DMD: variants seen among roughly 807,000 people sequenced by gnomAD.
DMD encodes the protein dystrophin.
Under a neutral mutation model 330.1 loss-of-function variants are expected in DMD, and 63 were observed. The ratio of observed to expected loss-of-function variants is 0.19; its 90% CI spans 0.16 to 0.24. The LOEUF is 0.24. DMD is among the 10% of genes least tolerant of loss of function. The pLI is 1.00. For synonymous variants in DMD, 1,223 were observed against 959.8 expected (o/e 1.27, Z -5.07); for missense variants, 3,344 against 2,684.1 (o/e 1.25, Z -5.43).
intron 2 of DMD, among the ~76,000 whole-genome samples, chrX:32,981,211 A>G (rs2092699748): frequency 8.9e-6 from 1 of 111,982 alleles, no homozygotes; most frequent in South Asian, 3.7e-4. Flanking sequence ...AATATTCTTT[A>G]GAGTTTGCTT....
At chrX:32,717,518 T>C (rs1172407746) in intron 7 of DMD, among the ~76,000 whole-genome samples, 2 of 111,780 alleles carry the variant, frequency 1.8e-5, no homozygotes, top group Non-Finnish European at 3.8e-5. Flanking sequence ...CATGTCCAGG[T>C]AGAAGTCTGC....
At chrX:32,411,975 CCTG>C (rs1346308510) in intron 29 of DMD, 62 bp from the exon 30 acceptor site, 2 of 1,189,670 alleles carry the variant, frequency 1.7e-6, no homozygotes, top group African/African-American at 3.5e-5. Flanking sequence ...TTTCTGTAAT[CCTG>C]CTGAACAATA....
At chrX:32,022,601 T>C (rs2063036135) in intron 44 of DMD, among the ~76,000 whole-genome samples, 1 of 112,044 alleles carries the variant, frequency 8.9e-6, no homozygotes, top group Non-Finnish European at 1.9e-5. Context: ...TTTTATCAGT[T>C]GACACTGGAA....
intron 11 of DMD, among the ~76,000 whole-genome samples, chrX:32,637,255 G>A (rs1402769897): frequency 3.6e-5 from 4 of 111,713 alleles, no homozygotes; most frequent in Admixed American, 9.5e-5. Flanking sequence ...CAAAAATTTT[G>A]CCACTACATA....
chrX:31,349,377 C>T (rs765865133), intron 60 of DMD, among the ~76,000 whole-genome samples: 12 of 112,391 alleles, frequency 1.1e-4, no homozygotes, highest in Admixed American at 3.8e-4. Context: ...GCAGAGATCA[C>T]GCCACTGTAC....
intron 1 of DMD, among the ~76,000 whole-genome samples, chrX:33,222,249 T>A (rs1237400463): frequency 8.9e-6 from 1 of 111,894 alleles, no homozygotes. Context: ...TATTTGAAAA[T>A]TAGTCACTAC....
intron 1 of DMD, among the ~76,000 whole-genome samples, chrX:33,179,521 G>T (rs1316251300): frequency 1.8e-5 from 2 of 109,248 alleles, no homozygotes; most frequent in African/African-American, 3.3e-5. Context: ...GTGAAACCCC[G>T]TTTCTACTAA....
intron 50 of DMD, among the ~76,000 whole-genome samples, chrX:31,816,794 T>TCTCACACACACACACACACACACACA (rs1556914952): frequency 8.4e-4 from 72 of 85,363 alleles, no homozygotes; most frequent in Non-Finnish European, 9.7e-4. Context: ...CAAGATTCTG[T>TCTCACACACACACACACACACACACA]CACACACACA....
In DMD at chrX:32,664,406, A is replaced by T. The variant is rs370077275; in HGVS notation, c.961-19254T>A. Among the ~76,000 whole-genome samples the T allele has an allele frequency of 9.2e-3, 1,002 of 109,057 alleles. 20 individuals are homozygous for T. Among genetic ancestry groups the T allele is most frequent in the African/African-American group, 0.031 (926 of 29,715 alleles). The allele number at this position is 109,057 out of a possible 115,157, so 94.7% of individuals were successfully genotyped here. ...ACAGGCACCTGCCACCACGGCCGGCAAATTTTTTGTATTTTTAGTAGAGAC... is the reference window on the plus strand; with the variant it reads ...ACAGGCACCTGCCACCACGGCCGGCTAATTTTTTGTATTTTTAGTAGAGAC... On this transcript the variant is annotated intron_variant, in intron 9 of 78. Coordinates refer to ENST00000357033, the MANE Select transcript of DMD (RefSeq NM_004006.3).
intron 17 of DMD, among the ~76,000 whole-genome samples, chrX:32,521,362 T>C (rs1223466513): frequency 8.9e-6 from 1 of 111,794 alleles, no homozygotes; most frequent in African/African-American, 3.3e-5. Flanking sequence ...TCCTTTGGCT[T>C]CATGATGCCA....
chrX:33,248,054 T>G (rs996161134), intron 1 of DMD, among the ~76,000 whole-genome samples: 2 of 111,596 alleles, frequency 1.8e-5, no homozygotes, highest in Non-Finnish European at 3.8e-5. Flanking sequence ...ACTTATTTAT[T>G]TTTTTGAGAT....
At chrX:31,879,632 G>A in intron 47 of DMD, among the ~76,000 whole-genome samples, 1 of 111,974 alleles carries the variant, frequency 8.9e-6, no homozygotes, top group Non-Finnish European at 1.9e-5. Context: ...GCTCTGAAGA[G>A]TTTTCTTTGG....
chrX:31,489,189 A>G (rs747861900), intron 57 of DMD, among the ~76,000 whole-genome samples: 9 of 112,075 alleles, frequency 8.0e-5, no homozygotes, highest in Non-Finnish European at 1.5e-4. Flanking sequence ...CACCCAGGCT[A>G]GAGTGCAGTG....
chrX:32,731,361 G>C (rs1260602276), intron 7 of DMD, among the ~76,000 whole-genome samples: 4 of 112,688 alleles, frequency 3.5e-5, no homozygotes, highest in Admixed American at 9.3e-5. Context: ...GCCTAGGCTT[G>C]ATTAGGTAAA....
At chrX:32,302,218 T>A (rs2097525954) in intron 42 of DMD, among the ~76,000 whole-genome samples, 2 of 111,315 alleles carry the variant, frequency 1.8e-5, no homozygotes, top group Admixed American at 1.9e-4. Flanking sequence ...TTCAACACTT[T>A]ACTATAAAAT....
intron 51 of DMD, among the ~76,000 whole-genome samples, chrX:31,749,213 T>C (rs1178803653): frequency 2.8e-5 from 3 of 108,216 alleles, no homozygotes; most frequent in Non-Finnish European, 5.7e-5. Flanking sequence ...TACATATGTA[T>C]ACATGTGCCA....
At chrX:32,627,021 G>C (rs1401379426) in intron 11 of DMD, among the ~76,000 whole-genome samples, 1 of 104,146 alleles carries the variant, frequency 9.6e-6, no homozygotes, top group East Asian at 2.9e-4. Flanking sequence ...TGACGTCCCA[G>C]CCCCATTCCC....
intron 2 of DMD, among the ~76,000 whole-genome samples, chrX:33,019,483 T>G (rs1026483675): frequency 1.8e-5 from 2 of 111,642 alleles, no homozygotes; most frequent in Non-Finnish European, 3.8e-5. Context: ...AATGCAAGTC[T>G]TTTAAACTTT....
At chrX:32,803,257 A>G (rs772591013) in intron 7 of DMD, among the ~76,000 whole-genome samples, 235 of 111,234 alleles carry the variant, frequency 2.1e-3, no homozygotes, top group Non-Finnish European at 3.7e-3. Flanking sequence ...ATTTGCGTGG[A>G]GATGTTTATA....
Sources: allele counts gnomAD v4.1 joint callset (sites outside exome capture counted in the v4.1 genomes callset), GRCh38; gene constraint gnomAD v4.1.1; transcripts MANE v1.5; gene names NCBI Gene and HGNC (gene_info 2026-07-23, HGNC 2026-07-21).